KLRG1: variants seen among roughly 807,000 people sequenced by gnomAD.
KLRG1 encodes the protein killer cell lectin like receptor G1, also known as killer cell lectin-like receptor subfamily G member 1.
KLRG1 carries 16 observed loss-of-function variants against 21.8 expected under a neutral mutation model. The observed-to-expected ratio is 0.73, with a 90% confidence interval of 0.50 to 1.11. The LOEUF (loss-of-function observed/expected upper bound fraction) is 1.11, where lower values mean the gene tolerates loss of function less well. KLRG1 is among the 50% of genes most tolerant of loss of function. The pLI is 0.00. For missense variants in KLRG1, 173 were observed against 218.3 expected (o/e 0.79, Z 1.31); for synonymous variants, 69 against 75.9 (o/e 0.91, Z 0.47).
chr12:9,070,299 T>TC, the KLRG1 span, among the ~76,000 whole-genome samples: 1 of 152,202 alleles, frequency 6.6e-6, no homozygotes, highest in African/African-American at 2.4e-5. Flanking sequence ...TAGTCATGGG[T>TC]CCTAGCACAG....
chr12:9,085,739 CA>C, the KLRG1 span, among the ~76,000 whole-genome samples: 2 of 151,312 alleles, frequency 1.3e-5, no homozygotes, highest in Non-Finnish European at 2.9e-5. Flanking sequence ...AAAAGACAGA[CA>C]AAAACTTTTA....
chr12:9,107,316 A>G, the KLRG1 span, among the ~76,000 whole-genome samples: 211 of 152,298 alleles, frequency 1.4e-3, 1 homozygote, highest in African/African-American at 4.7e-3. Context: ...CTCAGTGTCT[A>G]TCGTTCTGAA....
the KLRG1 span, chr12:9,201,333 G>A: frequency 1.3e-6 from 2 of 1,555,528 alleles, no homozygotes; most frequent in Non-Finnish European, 1.8e-6. Context: ...TTACCTCAAG[G>A]TATATCAGTG....
intron 1 of KLRG1, among the ~76,000 whole-genome samples, chr12:8,978,956 C>A (rs899253648): frequency 6.6e-5 from 10 of 151,834 alleles, no homozygotes; most frequent in African/African-American, 2.4e-4. Flanking sequence ...CTCAAGTGAT[C>A]CACCTGCTTC....
At chr12:9,205,101 AC>A in the KLRG1 span, among the ~76,000 whole-genome samples, 3 of 152,168 alleles carry the variant, frequency 2.0e-5, no homozygotes, top group Admixed American at 2.0e-4. Flanking sequence ...TCAAAAAAAA[AC>A]AAAACAAAGT....
chr12:9,160,040 T>G, the KLRG1 span: 7 of 1,603,380 alleles, frequency 4.4e-6, no homozygotes, highest in East Asian at 1.6e-4. Flanking sequence ...AATGGAAGGC[T>G]TCAGATTGTT....
the KLRG1 span, among the ~76,000 whole-genome samples, chr12:9,082,130 C>T: frequency 6.6e-6 from 1 of 152,284 alleles, no homozygotes; most frequent in Non-Finnish European, 1.5e-5. Flanking sequence ...TAAAGGGTAG[C>T]TCAACTCAGC....
At chr12:9,157,385 C>T in the KLRG1 span, 1 of 1,595,642 alleles carries the variant, frequency 6.3e-7, no homozygotes, top group Non-Finnish European at 8.6e-7. Context: ...TTGTGTCAAA[C>T]TAGGGTGAAT....
upstream of KLRG1, among the ~76,000 whole-genome samples, chr12:8,984,926 A>G (rs978624216): frequency 2.6e-5 from 4 of 152,222 alleles, no homozygotes; most frequent in Admixed American, 2.6e-4. Context: ...TCAGATTTAC[A>G]GAAATGTTTT....
At chr12:9,079,462 A>C in the KLRG1 span, 1 of 1,138,100 alleles carries the variant, frequency 8.8e-7, no homozygotes, top group Non-Finnish European at 1.3e-6. Flanking sequence ...GGAGTTTCTG[A>C]GCCTTAAATA....
At chr12:9,197,438 G>A in the KLRG1 span, among the ~76,000 whole-genome samples, 3 of 128,852 alleles carry the variant, frequency 2.3e-5, no homozygotes, top group African/African-American at 9.2e-5. Context: ...ATTAATTATT[G>A]GAGTACTGCT....
chr12:9,109,464 T>C, the KLRG1 span: 1 of 1,334,582 alleles, frequency 7.5e-7, no homozygotes, highest in South Asian at 1.2e-5. Context: ...GGAATTCCTA[T>C]TTTCAGGTTC....
chr12:9,129,704 C>A, the KLRG1 span, among the ~76,000 whole-genome samples: 1 of 152,100 alleles, frequency 6.6e-6, no homozygotes, highest in Admixed American at 6.5e-5. Context: ...CCCGCCACCA[C>A]GCCCGGCTAC....
At chr12:9,084,394 T>C in the KLRG1 span, among the ~76,000 whole-genome samples, 1 of 152,256 alleles carries the variant, frequency 6.6e-6, no homozygotes, top group African/African-American at 2.4e-5. Flanking sequence ...AAATTGTCAA[T>C]AAATACACAT....
chr12:9,160,403 G>A, the KLRG1 span: 1 of 1,614,052 alleles, frequency 6.2e-7, no homozygotes. Flanking sequence ...GATGTTAGGA[G>A]CAAATAGGAC....
chr12:9,094,851 C>G, the KLRG1 span: 2 of 474,456 alleles, frequency 4.2e-6, no homozygotes, highest in East Asian at 6.8e-5. Context: ...TGAGCAATAA[C>G]CTTAATATGT....
At chr12:9,137,524 C>T in the KLRG1 span, among the ~76,000 whole-genome samples, 1 of 151,926 alleles carries the variant, frequency 6.6e-6, no homozygotes, top group African/African-American at 2.4e-5. Context: ...TTCTCATTCC[C>T]TATAAATTTT....
the KLRG1 span, among the ~76,000 whole-genome samples, chr12:9,188,522 G>A: frequency 6.6e-6 from 1 of 152,150 alleles, no homozygotes. Flanking sequence ...GTCCTCACCA[G>A]AACAATCGGG....
chr12:9,024,435 G>A, the KLRG1 span, among the ~76,000 whole-genome samples: 1 of 152,028 alleles, frequency 6.6e-6, no homozygotes, highest in African/African-American at 2.4e-5. Context: ...TAAGAATATA[G>A]CGTAGTATAG....
Sources: gnomAD v4.1 joint callset for allele counts (sites outside exome capture counted in the v4.1 genomes callset) on GRCh38, gnomAD v4.1.1 for gene constraint, MANE v1.5 for transcripts, NCBI Gene and HGNC (gene_info 2026-07-23, HGNC 2026-07-21) for gene names.